LAMC3: variants seen among roughly 807,000 people sequenced by gnomAD.
The protein encoded by LAMC3 is laminin subunit gamma-3.
In LAMC3, 128 loss-of-function variants were observed where a neutral mutation model predicts 173.8. The observed-to-expected ratio is 0.74, with a 90% confidence interval of 0.64 to 0.85. The LOEUF (loss-of-function observed/expected upper bound fraction) is 0.85, where lower values mean the gene tolerates loss of function less well. Ranked by LOEUF, LAMC3 falls within the 40% of genes least tolerant of loss-of-function variation. The pLI is 0.00. For missense variants in LAMC3, 2,022 were observed against 2,156.0 expected (o/e 0.94, Z 1.23); for synonymous variants, 897 against 909.1 (o/e 0.99, Z 0.24).
chr9:131,088,043 T>C (rs1443718654), intron 27 of LAMC3, among the ~76,000 whole-genome samples: 1 of 152,132 alleles, frequency 6.6e-6, no homozygotes, highest in Non-Finnish European at 1.5e-5. Flanking sequence ...TGAGTAACTG[T>C]TTGTGCCTCC....
intron 13 of LAMC3, 141 bp downstream of exon 13, chr9:131,061,364 G>A (rs1829817227): frequency 1.5e-6 from 1 of 677,416 alleles, no homozygotes; most frequent in Middle Eastern, 4.0e-4. Context: ...CAGCAGGCAT[G>A]ACCTCTGAGG....
intron 2 of LAMC3, 121 bp from the exon 3 acceptor site, chr9:131,031,924 C>CG (rs893917872): frequency 6.4e-7 from 1 of 1,564,178 alleles, no homozygotes; most frequent in African/African-American, 1.4e-5. Flanking sequence ...GGCCTGAGCT[C>CG]GGCCTGTTCC....
chr9:131,054,655 G>A (rs1035714840), intron 11 of LAMC3, among the ~76,000 whole-genome samples: 6 of 152,126 alleles, frequency 3.9e-5, no homozygotes, highest in African/African-American at 1.4e-4. Flanking sequence ...TCGGGAGGGA[G>A]AATTGCTTGA....
Position 131,091,907 on chromosome 9 carries a change from G to A in LAMC3, c.*120G>A, listed in dbSNP as rs1335307086. 5.8e-6 allele frequency: 7 copies of A among 1,206,926 alleles called. No individual in the cohort carries two copies. In the Admixed American group the frequency reaches 7.4e-5, roughly 13 times the overall value. The allele number at this position is 1,206,926 out of a possible 1,614,324, so 74.8% of individuals were successfully genotyped here. A position where few individuals can be genotyped will look rare whatever the true frequency, so the allele number is the denominator to read the frequency against. ...CCCCGGAGCCGGCTGCTGTGAACTC[G>A]CCCCCGTGTGGATAGTCACTCCCTG... On this transcript the variant is annotated 3_prime_UTR_variant, in exon 28 of 28. Coordinates refer to ENST00000361069, the MANE Select transcript of LAMC3 (RefSeq NM_006059.4).
At chr9:131,086,015 T>C in intron 25 of LAMC3, 1 of 503,146 alleles carries the variant, frequency 2.0e-6, no homozygotes, top group Non-Finnish European at 3.6e-6. Context: ...TTCTAGGTTT[T>C]TCTTTTCTTT....
intron 1 of LAMC3, among the ~76,000 whole-genome samples, chr9:131,015,678 C>T (rs1340207053): frequency 4.6e-5 from 7 of 152,052 alleles, no homozygotes; most frequent in African/African-American, 1.7e-4. Flanking sequence ...TTTTTTGAGA[C>T]GGAGACTCGC....
intron 13 of LAMC3, among the ~76,000 whole-genome samples, chr9:131,065,395 G>A (rs1829913080): frequency 2.0e-5 from 3 of 152,146 alleles, no homozygotes; most frequent in Admixed American, 2.0e-4. Context: ...GCACAGTCTA[G>A]AGGAAGTTCA....
Position 131,039,272 on chromosome 9 carries a change from A to G in LAMC3, c.1283+24A>G, listed in dbSNP as rs763390724. On this transcript the variant is annotated intron_variant, in intron 6 of 27. Transcript: ENST00000361069. ...AGGTGAGGGCGAGGGGCGGCCCAGT[A>G]TGGACACATTGCACTGAATGACAAG... is the stretch of plus-strand genomic sequence containing the variant. The G allele has an allele frequency of 2.6e-5, 40 of 1,566,486 alleles. No individual in the cohort carries two copies. In the Middle Eastern group the frequency reaches 6.7e-4, roughly 26 times the overall value.
rs115449491 is a variant in LAMC3 at position 131,020,552 on chromosome 9, G to C, written c.374-5733G>C. ...TTTTCCTTGGATTGAGTGTTGCCTA[G>C]GGCTTTGTGTTAAGAAGGATTCTGA... On this transcript the variant is annotated intron_variant, in intron 1 of 27. Transcript: ENST00000361069. Among the ~76,000 whole-genome samples, 35 of 152,332 alleles carry C rather than the reference G, an allele frequency of 2.3e-4. 1 individual carries two copies. Among genetic ancestry groups the C allele is most frequent in the African/African-American group, 8.4e-4 (35 of 41,570 alleles).
intron 7 of LAMC3, among the ~76,000 whole-genome samples, chr9:131,043,432 G>A (rs1337377462): frequency 6.6e-6 from 1 of 152,164 alleles, no homozygotes; most frequent in Non-Finnish European, 1.5e-5. Context: ...TACAGTGCCA[G>A]GAAGCAAGGA....
At chr9:131,054,829 AGGG>A (rs1834371616) in intron 11 of LAMC3, among the ~76,000 whole-genome samples, 1 of 38,090 alleles carries the variant, frequency 2.6e-5, no homozygotes, top group Non-Finnish European at 4.9e-5. Flanking sequence ...AGAAAGAAGA[AGGG>A]AGGGAGGGAG....
At chr9:131,075,288 C>T (rs1830104111) in intron 20 of LAMC3, among the ~76,000 whole-genome samples, 1 of 150,052 alleles carries the variant, frequency 6.7e-6, no homozygotes. Context: ...AAAAATAAGG[C>T]CCTGGCTGGG....
chr9:131,068,933 C>A lies in LAMC3; in HGVS notation c.2773C>A (p.Gln925Lys). 6.2e-7 allele frequency: 1 copy of A among 1,614,066 alleles called. No homozygotes were observed. ...CTGCAAGTGTCACCCACTGGGCTCC[C>A]AGGAGGACCAGTGCCATCCCAAGAC... ...RSCKCHPLGS[Q>K]EDQCHPKTGQ... Residue 925 changes from glutamine (Q) to lysine (K), a missense_variant, in exon 16 of 28, where the codon CAG becomes AAG. By Grantham distance (53) the Gln-to-Lys change is moderately conservative. Transcript: ENST00000361069.
At chr9:131,011,183 G>C (rs1046570286) in intron 1 of LAMC3, among the ~76,000 whole-genome samples, 1 of 152,210 alleles carries the variant, frequency 6.6e-6, no homozygotes, top group African/African-American at 2.4e-5. Context: ...GGGGGTATTA[G>C]CACAATATAT....
intron 7 of LAMC3, 60 bp from the exon 8 acceptor site, chr9:131,045,464 C>A: frequency 6.2e-7 from 1 of 1,602,302 alleles, no homozygotes; most frequent in South Asian, 1.1e-5. Context: ...GATACCCTGG[C>A]CCCGCCCCTT....
intron 7 of LAMC3, among the ~76,000 whole-genome samples, chr9:131,044,211 C>T (rs1260839873): frequency 1.3e-5 from 2 of 151,684 alleles, no homozygotes; most frequent in African/African-American, 4.8e-5. Context: ...CCACCTCGGC[C>T]TCCCAAAGTG....
rs1407815047 is a variant in LAMC3, at chr9:131,009,475, C to T, written c.261C>T (p.Asn87=). The change falls in exon 1 of 28, where the codon AAC becomes AAT. Residue 87 remains asparagine (N), a synonymous_variant. Transcript: ENST00000361069. This position sits in a 1 kb window ranked among gnomAD's most constrained non-coding sequence, Gnocchi z 4.3. ...CCGCCGACCCCCAGCGCCACCACAA[C>T]GCCTCCTACCTCACCGACTTCCACA... The part of the protein sequence containing the change: ...CDAADPQRHH[N]ASYLTDFHSQ... 4.5e-6 allele frequency: 7 copies of T among 1,549,240 alleles called. No homozygotes were observed. The highest frequency in any genetic ancestry group is 2.7e-5 in the African/African-American group (2 of 73,014).
intron 4 of LAMC3, among the ~76,000 whole-genome samples, chr9:131,037,000 G>T (rs1217377465): frequency 6.6e-6 from 1 of 152,222 alleles, no homozygotes; most frequent in African/African-American, 2.4e-5. Flanking sequence ...TCACAGGCTC[G>T]CTGGGCGGGC....
At chr9:131,039,474 G>A (rs955826657) in intron 6 of LAMC3, among the ~76,000 whole-genome samples, 2 of 152,128 alleles carry the variant, frequency 1.3e-5, no homozygotes, top group Admixed American at 1.3e-4. Context: ...GGATCTTGCA[G>A]GTGGAGGGCA....
Sources: allele counts gnomAD v4.1 joint callset (sites outside exome capture counted in the v4.1 genomes callset), GRCh38; gene constraint gnomAD v4.1.1; non-coding constraint Gnocchi (gnomAD v3.1); transcripts MANE v1.5; gene names NCBI Gene and HGNC (gene_info 2026-07-23, HGNC 2026-07-21).